Variants in TANC1 observed in about 807,000 individuals in gnomAD.
TANC1 encodes the protein tetratricopeptide repeat, ankyrin repeat and coiled-coil containing 1, also known as protein TANC1.
TANC1 carries 77 observed loss-of-function variants against 149.7 expected under a neutral mutation model. The ratio of observed to expected loss-of-function variants is 0.51; its 90% CI spans 0.43 to 0.62. The LOEUF (loss-of-function observed/expected upper bound fraction) is 0.62, where lower values mean the gene tolerates loss of function less well. TANC1 is among the 20% of genes least tolerant of loss of function. The pLI is 0.00. For missense variants in TANC1, 1,985 were observed against 2,321.8 expected (o/e 0.85, Z 2.98); for synonymous variants, 854 against 925.0 (o/e 0.92, Z 1.39).
At chr2:159,024,652 G>A (rs1438595897) in intron 2 of TANC1, among the ~76,000 whole-genome samples, 1 of 151,932 alleles carries the variant, frequency 6.6e-6, no homozygotes, top group Non-Finnish European at 1.5e-5. Flanking sequence ...TCAGGAGGCT[G>A]AGGCAGGAGA....
intron 14 of TANC1, among the ~76,000 whole-genome samples, chr2:159,179,621 G>A (rs2056263431): frequency 6.6e-6 from 1 of 152,176 alleles, no homozygotes; most frequent in South Asian, 2.1e-4. Flanking sequence ...TGAACATGGA[G>A]TGACTTGTCC....
At chr2:158,983,445 A>T (rs535840215) in intron 1 of TANC1, among the ~76,000 whole-genome samples, 25 of 136,110 alleles carry the variant, frequency 1.8e-4, no homozygotes, top group African/African-American at 7.0e-4. Flanking sequence ...CCAGCCTGGG[A>T]GACAGAGCAA....
At chr2:159,006,237 A>G (rs1346742327) in intron 2 of TANC1, among the ~76,000 whole-genome samples, 3 of 147,492 alleles carry the variant, frequency 2.0e-5, no homozygotes, top group Non-Finnish European at 4.5e-5. Context: ...CGGAGGTTGC[A>G]GTGAGCCAAG....
intron 4 of TANC1, among the ~76,000 whole-genome samples, chr2:159,131,035 A>G (rs143027078): frequency 1.6e-3 from 244 of 150,512 alleles, no homozygotes; most frequent in African/African-American, 5.6e-3. Context: ...GGGGTCCCCA[A>G]CTATGATTAT....
chr2:158,995,958 C>G (rs753698401), intron 1 of TANC1, among the ~76,000 whole-genome samples: 1 of 152,226 alleles, frequency 6.6e-6, no homozygotes, highest in Non-Finnish European at 1.5e-5. Flanking sequence ...TCTTCTTTGT[C>G]AGATCCAACA....
At chr2:159,199,364 A>G (rs922601279) in intron 19 of TANC1, among the ~76,000 whole-genome samples, 5 of 152,342 alleles carry the variant, frequency 3.3e-5, no homozygotes, top group South Asian at 2.1e-4. Flanking sequence ...CAAATCTCAC[A>G]CATCTAACCA....
intron 1 of TANC1, among the ~76,000 whole-genome samples, chr2:158,985,927 G>A (rs1393498657): frequency 1.3e-5 from 2 of 152,006 alleles, no homozygotes; most frequent in African/African-American, 2.4e-5. Flanking sequence ...AAGCATGAGC[G>A]ACCGCACCCA....
At chr2:159,086,588 A>T (rs1022254986) in intron 3 of TANC1, among the ~76,000 whole-genome samples, 1 of 152,182 alleles carries the variant, frequency 6.6e-6, no homozygotes, top group Non-Finnish European at 1.5e-5. Flanking sequence ...CAGGTGTCCA[A>T]TGTGGCAGCT....
intron 2 of TANC1, among the ~76,000 whole-genome samples, chr2:159,046,481 C>CT (rs1321668441): frequency 6.6e-6 from 1 of 151,534 alleles, no homozygotes; most frequent in East Asian, 1.9e-4. Flanking sequence ...CCTGTTGTCA[C>CT]TTGTTAGTCC....
rs148344610 is a variant in TANC1 at position 159,091,111 on chromosome 2, A to T, written c.62-6526A>T. On this transcript the variant is annotated intron_variant, in intron 3 of 26. Transcript: ENST00000263635. ...TATACTATTTTTGGTTTTCCTTCTT[A>T]AGTATGCAAAATGACATAATGTTGA... is the stretch of plus-strand genomic sequence containing the variant. Among the ~76,000 whole-genome samples the T allele has an allele frequency of 8.6e-5, 13 of 151,994 alleles. 1 individual carries two copies. In the East Asian group the frequency reaches 2.5e-3, roughly 29 times the overall value.
chr2:159,155,935 C>T (rs2053386613), intron 7 of TANC1, among the ~76,000 whole-genome samples: 1 of 152,164 alleles, frequency 6.6e-6, no homozygotes, highest in Admixed American at 6.5e-5. Flanking sequence ...CTTCCTTTGA[C>T]TCTCTCCTAC....
intron 19 of TANC1, among the ~76,000 whole-genome samples, chr2:159,200,238 C>T (rs1197768275): frequency 1.3e-5 from 2 of 152,168 alleles, no homozygotes; most frequent in African/African-American, 4.8e-5. Context: ...GGTCCAAACC[C>T]CTGTTCTTTC....
rs2054920077 is a variant in TANC1, at chr2:159,169,253, C to A, written c.950C>A (p.Thr317Lys). Residue 317 changes from threonine to lysine, a missense_variant, in exon 9 of 27, where the codon ACA becomes AAA. This residue lies in a region of TANC1 where 557 missense variants were observed against 612.9 expected (regional missense o/e 0.91). Transcript: ENST00000263635. ...AAACTTCAGTTTAATATTACAGCAA[C>A]AAGCTCAACCAAATTGGAAGATCTG... ...IMPRPNSVAA[T>K]SSTKLEDLSY... 7 of 1,613,438 alleles carry A rather than the reference C, an allele frequency of 4.3e-6. No homozygotes were observed. Among genetic ancestry groups the A allele is most frequent in the East Asian group, 2.2e-5 (1 of 44,878 alleles).
At chr2:159,142,996 G>A (rs1030400263) in intron 5 of TANC1, among the ~76,000 whole-genome samples, 2 of 150,598 alleles carry the variant, frequency 1.3e-5, no homozygotes, top group South Asian at 2.1e-4. Context: ...CCAGGAGTTG[G>A]TGGTTGCTGT....
chr2:159,073,016 TA>T (rs1304529365), intron 3 of TANC1, among the ~76,000 whole-genome samples: 1 of 152,252 alleles, frequency 6.6e-6, no homozygotes, highest in South Asian at 2.1e-4. Context: ...TTTTACCTTT[TA>T]ACCTCTATGA....
intron 19 of TANC1, among the ~76,000 whole-genome samples, chr2:159,207,712 A>AT (rs2058710153): frequency 1.3e-5 from 2 of 149,188 alleles, no homozygotes; most frequent in Non-Finnish European, 3.0e-5. Context: ...AAAAAAAAAA[A>AT]AAAAAAAAAA....
intron 7 of TANC1, 47 bp downstream of exon 7, chr2:159,150,603 C>A: frequency 6.9e-7 from 1 of 1,448,488 alleles, no homozygotes; most frequent in Non-Finnish European, 9.7e-7. Context: ...ATCTCATCAA[C>A]CAGAGCATTC....
chr2:159,029,546 T>C (rs1362670200), intron 2 of TANC1, among the ~76,000 whole-genome samples: 2 of 152,216 alleles, frequency 1.3e-5, no homozygotes, highest in African/African-American at 2.4e-5. Context: ...AAGTACTTAG[T>C]ATTTCTTGCT....
At chr2:159,224,188 A>G in intron 22 of TANC1, 44 bp from the exon 23 acceptor site, 1 of 1,610,902 alleles carries the variant, frequency 6.2e-7, no homozygotes, top group Non-Finnish European at 8.5e-7. Flanking sequence ...GCGCCCCTGA[A>G]CTCCTGTTCC....
Sources: allele counts gnomAD v4.1 joint callset (sites outside exome capture counted in the v4.1 genomes callset), GRCh38; gene constraint gnomAD v4.1.1; regional missense constraint gnomAD v4.1.1; transcripts MANE v1.5; gene names NCBI Gene and HGNC (gene_info 2026-07-23, HGNC 2026-07-21).